Variants in PRELID2 observed in about 807,000 individuals in gnomAD.
PRELID2 encodes the protein PRELI domain-containing protein 2.
PRELID2 carries 25 observed loss-of-function variants against 28.4 expected under a neutral mutation model. That is an observed-to-expected ratio of 0.88 (90% CI 0.64 to 1.23). The LOEUF is 1.23. Ranked by LOEUF, PRELID2 falls within the 50% of genes most tolerant of loss-of-function variation. PRELID2 has a pLI of 0.00. For missense variants in PRELID2, 201 were observed against 214.4 expected (o/e 0.94, Z 0.39); for synonymous variants, 76 against 71.6 (o/e 1.06, Z -0.31).
chr5:145,320,950 A>C, the PRELID2 span, among the ~76,000 whole-genome samples: 1 of 152,248 alleles, frequency 6.6e-6, no homozygotes, highest in Non-Finnish European at 1.5e-5. Flanking sequence ...AAACACTTTT[A>C]TGCATTATCA....
At chr5:145,740,303 T>C (rs1398325224) in intron 1 of PRELID2, among the ~76,000 whole-genome samples, 1 of 95,854 alleles carries the variant, frequency 1.0e-5, no homozygotes, top group Non-Finnish European at 2.1e-5. Flanking sequence ...TATATATATA[T>C]ATATATATAT....
At chr5:145,730,600 A>G (rs1041777983) in intron 1 of PRELID2, among the ~76,000 whole-genome samples, 12 of 152,186 alleles carry the variant, frequency 7.9e-5, no homozygotes, top group Non-Finnish European at 1.5e-4. Context: ...CTCAGCATCC[A>G]CATCACATCA....
chr5:145,331,596 TC>T, the PRELID2 span, among the ~76,000 whole-genome samples: 2 of 152,150 alleles, frequency 1.3e-5, no homozygotes, highest in Non-Finnish European at 2.9e-5. Flanking sequence ...TTACAACCCC[TC>T]CTTTTTTTTG....
At chr5:145,814,064 C>T (rs1238598107) in intron 4 of PRELID2, among the ~76,000 whole-genome samples, 1 of 152,058 alleles carries the variant, frequency 6.6e-6, no homozygotes, top group African/African-American at 2.4e-5. Context: ...CTTTTTTTCT[C>T]AGAACTGGTT....
intron 4 of PRELID2, among the ~76,000 whole-genome samples, chr5:145,801,030 A>T (rs937404754): frequency 6.6e-6 from 1 of 152,312 alleles, no homozygotes; most frequent in East Asian, 1.9e-4. Context: ...CAGATGAGTA[A>T]GTGAACAGAG....
the PRELID2 span, chr5:145,338,319 G>A: frequency 1.4e-4 from 22 of 152,186 alleles, no homozygotes; most frequent in African/African-American, 5.1e-4. Context: ...TGTGCACTTG[G>A]ACTACCTTGC....
intron 1 of PRELID2, among the ~76,000 whole-genome samples, chr5:145,533,931 A>C (rs1166957876): frequency 1.3e-5 from 2 of 152,058 alleles, no homozygotes; most frequent in Non-Finnish European, 2.9e-5. Flanking sequence ...ATTGCCTTGT[A>C]GAGGCTGTCA....
At chr5:145,781,175 T>C (rs1221546416) in intron 5 of PRELID2, among the ~76,000 whole-genome samples, 2 of 152,034 alleles carry the variant, frequency 1.3e-5, no homozygotes, top group Non-Finnish European at 2.9e-5. Context: ...GGAGCCAGGA[T>C]GAGAAATCAC....
intron 1 of PRELID2, among the ~76,000 whole-genome samples, chr5:145,829,054 T>G (rs555887242): frequency 6.8e-4 from 102 of 149,042 alleles, no homozygotes; most frequent in South Asian, 1.5e-3. Flanking sequence ...GGTTTTGTTG[T>G]TGTTGGTGGT....
At chr5:145,511,939 G>A (rs1368054714) in intron 1 of PRELID2, among the ~76,000 whole-genome samples, 1 of 152,158 alleles carries the variant, frequency 6.6e-6, no homozygotes, top group African/African-American at 2.4e-5. Flanking sequence ...TACTGGGGCA[G>A]TGGCAGTAAA....
chr5:145,835,151 T>A (rs1435130497), intron 1 of PRELID2, 26 bp downstream of exon 1: 1 of 1,515,504 alleles, frequency 6.6e-7, no homozygotes, highest in African/African-American at 1.4e-5. Context: ...CAGCGCGGGA[T>A]ACGGAAGGTG....
chr5:145,399,974 C>T, the PRELID2 span, among the ~76,000 whole-genome samples: 2 of 152,000 alleles, frequency 1.3e-5, no homozygotes, highest in Non-Finnish European at 2.9e-5. Context: ...TCCGATAACA[C>T]ATAGGAATTC....
At chr5:145,793,284 A>G (rs1257834244) in intron 5 of PRELID2, among the ~76,000 whole-genome samples, 2 of 152,170 alleles carry the variant, frequency 1.3e-5, no homozygotes, top group African/African-American at 2.4e-5. Context: ...ACATAAAAAT[A>G]TAAAGTTTGT....
chr5:145,718,598 G>A (rs940100980), intron 1 of PRELID2, among the ~76,000 whole-genome samples: 2 of 151,786 alleles, frequency 1.3e-5, no homozygotes, highest in Non-Finnish European at 2.9e-5. Flanking sequence ...GCTTAGCTAA[G>A]TAAACCATAA....
rs188353656 is a variant in PRELID2, at chr5:145,616,478, G to C, written n.71-143163C>G. Reference sequence around the variant, plus strand: ...TTTCTATACTCCCTAAGTGTCGGCCGGTCTGAGAAATAAAGGGACAAGGTA... The same window carrying C: ...TTTCTATACTCCCTAAGTGTCGGCCCGTCTGAGAAATAAAGGGACAAGGTA... On this transcript the variant is annotated intron_variant and non_coding_transcript_variant, in intron 1 of 2. Coordinates refer to the PRELID2 transcript ENST00000510259. Among the ~76,000 whole-genome samples, 298 of 152,164 alleles carry C rather than the reference G, an allele frequency of 2.0e-3. 1 individual carries two copies. The highest frequency in any genetic ancestry group is 6.8e-3 in the African/African-American group (282 of 41,512).
chr5:145,636,334 C>A (rs1297875726), intron 1 of PRELID2, among the ~76,000 whole-genome samples: 1 of 152,210 alleles, frequency 6.6e-6, no homozygotes, highest in Non-Finnish European at 1.5e-5. Context: ...TGACATCTAT[C>A]CATCTCGGTC....
At chr5:145,741,605 AATTT>A (rs1174222052) in intron 1 of PRELID2, among the ~76,000 whole-genome samples, 1 of 21,838 alleles carries the variant, frequency 4.6e-5, no homozygotes, top group Non-Finnish European at 1.3e-4. Flanking sequence ...ATTTATTTAT[AATTT>A]ATTTATATAT....
chr5:145,284,069 G>T, the PRELID2 span, among the ~76,000 whole-genome samples: 1 of 152,080 alleles, frequency 6.6e-6, no homozygotes, highest in Non-Finnish European at 1.5e-5. Context: ...AATTTCAAAA[G>T]TTATTACTCT....
the PRELID2 span, among the ~76,000 whole-genome samples, chr5:145,339,033 G>A: frequency 3.9e-5 from 6 of 152,144 alleles, no homozygotes; most frequent in African/African-American, 1.4e-4. Flanking sequence ...TTTTAAACAG[G>A]TTGGATTATA....
Sources: gnomAD v4.1 joint callset for allele counts (sites outside exome capture counted in the v4.1 genomes callset) on GRCh38, gnomAD v4.1.1 for gene constraint, MANE v1.5 for transcripts, NCBI Gene and HGNC (gene_info 2026-07-23, HGNC 2026-07-21) for gene names.